The following FAM184A variants were observed in gnomAD, a reference collection of about 807,000 sequenced individuals.
The protein encoded by FAM184A is protein FAM184A.
FAM184A carries 99 observed loss-of-function variants against 143.8 expected under a neutral mutation model. The ratio of observed to expected loss-of-function variants is 0.69; its 90% CI spans 0.58 to 0.81. The LOEUF is 0.81. Ranked by LOEUF, FAM184A falls within the 40% of genes least tolerant of loss-of-function variation. FAM184A has a pLI of 0.00. For synonymous variants in FAM184A, 427 were observed against 446.4 expected (o/e 0.96, Z 0.55); for missense variants, 1,217 against 1,310.5 (o/e 0.93, Z 1.10).
At chr6:118,965,473 T>C (rs555465550) in intron 15 of FAM184A, among the ~76,000 whole-genome samples, 50 of 152,266 alleles carry the variant, frequency 3.3e-4, no homozygotes, top group African/African-American at 1.2e-3. Context: ...ACCTTTACCT[T>C]TGGCTTCACC....
At chr6:119,113,212 T>A (rs1053948016) in intron 1 of FAM184A, among the ~76,000 whole-genome samples, 11 of 151,948 alleles carry the variant, frequency 7.2e-5, no homozygotes, top group African/African-American at 2.7e-4. Context: ...TAAAAAAAAA[T>A]GCTCTCATTA....
At chr6:119,074,358 C>T (rs1442284011) in intron 1 of FAM184A, among the ~76,000 whole-genome samples, 1 of 152,168 alleles carries the variant, frequency 6.6e-6, no homozygotes, top group East Asian at 1.9e-4. Flanking sequence ...AGAGACAGAG[C>T]AAGAGACCAG....
rs1208687577 is a variant in FAM184A, at chr6:119,024,258, G to A, written c.715C>T (p.Leu239Phe). The change falls in exon 2 of 18, where the codon CTT (leucine) becomes TTT (phenylalanine). Residue 239 changes from leucine (L) to phenylalanine (F), a missense_variant. Transcript: ENST00000338891. ...SLNKMLEELR[L>F]ERKKLIEDYE... Reference sequence around the variant, plus strand: ...TCCTCAATTAGTTTCTTCCGTTCAAGTCTTAGCTCCTCAAGCATTTTGTTT... The same window carrying A: ...TCCTCAATTAGTTTCTTCCGTTCAAATCTTAGCTCCTCAAGCATTTTGTTT... 3 of 1,614,156 alleles carry A rather than the reference G, an allele frequency of 1.9e-6. No individual in the cohort carries two copies. Among genetic ancestry groups the A allele is most frequent in the Admixed American group, 3.3e-5 (2 of 60,016 alleles).
chr6:119,019,890 G>A, intron 4 of FAM184A, 88 bp downstream of exon 4: 1 of 1,204,396 alleles, frequency 8.3e-7, no homozygotes, highest in South Asian at 1.8e-5. Context: ...TTACTGGGGA[G>A]TAGCAAGAAA....
At chr6:118,989,036 G>A (rs967159944) in intron 9 of FAM184A, among the ~76,000 whole-genome samples, 15 of 142,742 alleles carry the variant, frequency 1.1e-4, no homozygotes, top group African/African-American at 3.2e-4. Flanking sequence ...ATCTCGGCTC[G>A]GTGCAAGCTC....
intron 1 of FAM184A, among the ~76,000 whole-genome samples, chr6:119,117,574 A>G (rs374183180): frequency 5.0e-4 from 76 of 152,328 alleles, no homozygotes; most frequent in South Asian, 3.5e-3. Context: ...TGCTTTGAAC[A>G]TGCCTGCGAC....
intron 1 of FAM184A, among the ~76,000 whole-genome samples, chr6:119,040,730 T>A (rs1404365389): frequency 6.6e-6 from 1 of 152,188 alleles, no homozygotes; most frequent in African/African-American, 2.4e-5. Flanking sequence ...TCCTGTTATA[T>A]CCCGGGGCTA....
At chr6:119,136,284 C>CAA (rs11454485) in intron 1 of FAM184A, among the ~76,000 whole-genome samples, 5,190 of 64,452 alleles carry the variant, frequency 0.081, 535 homozygotes, top group African/African-American at 0.14. Context: ...GACTCCGTCT[C>CAA]AAAAAAAAAA....
intron 9 of FAM184A, among the ~76,000 whole-genome samples, chr6:118,987,275 G>T (rs748227119): frequency 1.3e-5 from 2 of 152,180 alleles, no homozygotes; most frequent in Non-Finnish European, 2.9e-5. Context: ...CACAGAAACT[G>T]TCTGGCCCAC....
At chr6:119,054,008 T>C (rs1256082335) in intron 1 of FAM184A, among the ~76,000 whole-genome samples, 1 of 152,084 alleles carries the variant, frequency 6.6e-6, no homozygotes, top group Admixed American at 6.6e-5. Flanking sequence ...CTCAGTGCCA[T>C]AATAAAAGGA....
chr6:119,022,845 C>G (rs1340848211), intron 3 of FAM184A, 100 bp downstream of exon 3: 1 of 1,439,834 alleles, frequency 6.9e-7, no homozygotes, highest in African/African-American at 1.4e-5. Flanking sequence ...CCACTGCACT[C>G]CCGTCTGGGC....
intron 1 of FAM184A, among the ~76,000 whole-genome samples, chr6:119,116,291 G>A (rs1220767390): frequency 1.3e-5 from 2 of 152,014 alleles, no homozygotes; most frequent in African/African-American, 4.8e-5. Flanking sequence ...ATTTATAAGT[G>A]GGAGCTAAAC....
At chr6:118,962,190 G>A (rs1416735148) in intron 16 of FAM184A, 1 of 543,402 alleles carries the variant, frequency 1.8e-6, no homozygotes, top group African/African-American at 1.9e-5. Flanking sequence ...CAGAAAGAAT[G>A]AGGAAGAAAC....
intron 1 of FAM184A, among the ~76,000 whole-genome samples, chr6:119,043,258 C>A (rs542782809): frequency 4.4e-4 from 67 of 152,252 alleles, no homozygotes; most frequent in African/African-American, 1.6e-3. Flanking sequence ...CAAGGACAGA[C>A]AGGACACAGG....
At chr6:118,988,958 T>TTG (rs1784275722) in intron 9 of FAM184A, among the ~76,000 whole-genome samples, 1 of 146,996 alleles carries the variant, frequency 6.8e-6, no homozygotes, top group Non-Finnish European at 1.5e-5. Flanking sequence ...GACATGATTT[T>TTG]TTTTTTTTTT....
At chr6:119,013,064 G>A (rs1240263140) in intron 5 of FAM184A, among the ~76,000 whole-genome samples, 1 of 151,884 alleles carries the variant, frequency 6.6e-6, no homozygotes, top group South Asian at 2.1e-4. Flanking sequence ...AGGTAGACAG[G>A]CAAGAGTGGA....
chr6:119,032,595 CAGG>C (rs1437872311), intron 1 of FAM184A, among the ~76,000 whole-genome samples: 2 of 109,256 alleles, frequency 1.8e-5, no homozygotes, highest in East Asian at 2.5e-4. Flanking sequence ...AGGAGAAGAG[CAGG>C]AGAAGAGGGG....
At chr6:119,052,495 C>G (rs943528813) in intron 1 of FAM184A, among the ~76,000 whole-genome samples, 2 of 152,246 alleles carry the variant, frequency 1.3e-5, no homozygotes, top group African/African-American at 4.8e-5. Flanking sequence ...GGCTTCCCCT[C>G]ATGCTGTGCC....
chr6:119,118,819 A>C (rs959650365), intron 1 of FAM184A, among the ~76,000 whole-genome samples: 9 of 152,338 alleles, frequency 5.9e-5, no homozygotes, highest in Middle Eastern at 6.8e-3. Context: ...CTTGAAAAAA[A>C]AACAAGATAA....
Sources: gnomAD v4.1 joint callset for allele counts (sites outside exome capture counted in the v4.1 genomes callset) on GRCh38, gnomAD v4.1.1 for gene constraint, MANE v1.5 for transcripts, NCBI Gene and HGNC (gene_info 2026-07-23, HGNC 2026-07-21) for gene names.